The following NTRK3 variants were observed in gnomAD, a reference collection of about 807,000 sequenced individuals.
NTRK3 encodes NT-3 growth factor receptor.
In NTRK3, 24 loss-of-function variants were observed where a neutral mutation model predicts 91.7. The ratio of observed to expected loss-of-function variants is 0.26; its 90% CI spans 0.19 to 0.37. The LOEUF is 0.37. Among genes scored for constraint, NTRK3 ranks in the 10% least tolerant of loss-of-function variants. The probability of loss-of-function intolerance (pLI) is 1.00; values close to 1 mark genes in which losing one functional copy is unlikely to be tolerated. For synonymous variants in NTRK3, 483 were observed against 404.0 expected (o/e 1.20, Z -2.34); for missense variants, 880 against 1,068.9 (o/e 0.82, Z 2.46).
chr15:88,045,152 C>G (rs962659850), intron 13 of NTRK3, among the ~76,000 whole-genome samples: 1 of 152,232 alleles, frequency 6.6e-6, no homozygotes, highest in Non-Finnish European at 1.5e-5. Flanking sequence ...CAGGAGCCCA[C>G]CACCCTGTGT....
intron 17 of NTRK3, among the ~76,000 whole-genome samples, chr15:87,924,137 A>G (rs2068098707): frequency 1.3e-5 from 2 of 151,900 alleles, no homozygotes; most frequent in South Asian, 4.2e-4. Flanking sequence ...GTGATAGGGG[A>G]TGTTGGCTCC....
In NTRK3 at chr15:88,250,501, A is replaced by C. The variant is rs545316243; in HGVS notation, c.248+5405T>G. Among the ~76,000 whole-genome samples, 3 of 152,358 alleles carry C rather than the reference A, an allele frequency of 2.0e-5. No individual in the cohort carries two copies. In the East Asian group the frequency reaches 5.8e-4, roughly 29 times the overall value. On this transcript the variant is annotated intron_variant, in intron 3 of 18. Coordinates refer to ENST00000394480, the Ensembl canonical transcript of NTRK3. ...AAGGATAAGAAGGTAGGATCCCAGT[A>C]GGCACTAGACCATCGTTTCATAAGA...
At position 88,185,126 on chromosome 15, in the gene NTRK3, T is replaced by C. The variant is rs77458944; in HGVS notation, c.249-827A>G. Among the ~76,000 whole-genome samples the C allele has an allele frequency of 5.2e-3, 785 of 152,360 alleles. 10 individuals are homozygous for C. Among genetic ancestry groups the C allele is most frequent in the African/African-American group, 0.018 (745 of 41,582 alleles). Reference sequence around the variant, plus strand: ...CCTTTTCATCATGAAGGTCTCCTTTTAGAACTTTGCCCCAAGAGATCCCAT... The same window carrying C: ...CCTTTTCATCATGAAGGTCTCCTTTCAGAACTTTGCCCCAAGAGATCCCAT... On this transcript the variant is annotated intron_variant, in intron 3 of 18. Transcript: ENST00000394480.
intron 15 of NTRK3, among the ~76,000 whole-genome samples, chr15:87,938,981 A>G (rs975657769): frequency 6.6e-6 from 1 of 152,188 alleles, no homozygotes; most frequent in Non-Finnish European, 1.5e-5. Flanking sequence ...TCAGCAAACT[A>G]TGCTTATTTT....
Position 87,875,140 on chromosome 15 carries a change from G to A in NTRK3, c.*1795C>T, listed in dbSNP as rs745926652. Reference sequence around the variant, plus strand: ...TCAGCTGCCTTCAGCTAACCAGGACGTCCAGGCTGCCGGCAGTCTCTTCAG... The same window carrying A: ...TCAGCTGCCTTCAGCTAACCAGGACATCCAGGCTGCCGGCAGTCTCTTCAG... On this transcript the variant is annotated 3_prime_UTR_variant, in exon 19 of 19. Transcript: ENST00000394480. 22 of 231,216 alleles carry A rather than the reference G, an allele frequency of 9.5e-5. No homozygotes were observed. The East Asian group carries it at 1.2e-3, about 12-fold the overall frequency. 14.3% of individuals were successfully genotyped at this position (231,216 alleles called of 1,614,324 possible).
At chr15:87,951,054 C>T (rs1001360541) in intron 14 of NTRK3, among the ~76,000 whole-genome samples, 4 of 152,162 alleles carry the variant, frequency 2.6e-5, no homozygotes, top group African/African-American at 9.7e-5. Flanking sequence ...ATAGATCCAA[C>T]AGATGGACAG....
intron 17 of NTRK3, among the ~76,000 whole-genome samples, chr15:87,887,665 G>T (rs980918069): frequency 6.6e-6 from 1 of 152,136 alleles, no homozygotes; most frequent in Admixed American, 6.5e-5. Context: ...CCCTGTCTGG[G>T]AAAGGTAGTG....
chr15:88,020,977 G>A (rs2077552713), intron 14 of NTRK3, among the ~76,000 whole-genome samples: 2 of 152,176 alleles, frequency 1.3e-5, no homozygotes, highest in Non-Finnish European at 2.9e-5. Flanking sequence ...TTTCTCCTTG[G>A]AGCAGCTCCC....
intron 5 of NTRK3, among the ~76,000 whole-genome samples, chr15:88,172,604 C>T (rs1448031134): frequency 6.6e-6 from 1 of 152,130 alleles, no homozygotes; most frequent in South Asian, 2.1e-4. Context: ...ACTGAGATAC[C>T]TGAAATCAGA....
At chr15:87,880,031 G>A (rs574308944) in intron 18 of NTRK3, among the ~76,000 whole-genome samples, 1 of 152,274 alleles carries the variant, frequency 6.6e-6, no homozygotes, top group South Asian at 2.1e-4. Context: ...TTTAACAGAG[G>A]CATGACTTGA....
In NTRK3 at chr15:88,233,614, ACT is replaced by A. The variant is rs1452652375; in HGVS notation, c.248+22290_248+22291del. On this transcript the variant is annotated intron_variant, in intron 3 of 18. Transcript: ENST00000394480. The surrounding 1 kb of genome is among the most constrained non-coding windows in gnomAD (Gnocchi z 4.2). Reference sequence around the variant, plus strand: ...AGCCCTACTGTCCTGAAACTCCAAAACTCTCTTCCTTCCACAAAAACCAAATG... The same window carrying A: ...AGCCCTACTGTCCTGAAACTCCAAAACTCTTCCTTCCACAAAAACCAAATG... Among the ~76,000 whole-genome samples, 5 of 151,306 alleles carry A rather than the reference ACT, an allele frequency of 3.3e-5. No homozygotes were observed. The highest frequency in any genetic ancestry group is 6.6e-5 in the Admixed American group (1 of 15,204).
chr15:87,919,070 T>C (rs920009732), intron 17 of NTRK3, among the ~76,000 whole-genome samples: 22 of 152,068 alleles, frequency 1.4e-4, no homozygotes, highest in African/African-American at 4.1e-4. Context: ...TGGCAGACAA[T>C]AATGCTATTG....
At chr15:87,912,616 C>A (rs2067152878) in intron 17 of NTRK3, among the ~76,000 whole-genome samples, 2 of 148,226 alleles carry the variant, frequency 1.3e-5, no homozygotes, top group Non-Finnish European at 1.5e-5. Flanking sequence ...TCTTGAGGGA[C>A]ATCTGCTCTC....
chr15:88,107,500 C>T (rs971480245), intron 13 of NTRK3, among the ~76,000 whole-genome samples: 5 of 152,104 alleles, frequency 3.3e-5, no homozygotes, highest in Non-Finnish European at 5.9e-5. Context: ...GCTCAATGCA[C>T]AGTTTCAAGA....
intron 13 of NTRK3, among the ~76,000 whole-genome samples, chr15:88,124,474 T>C (rs866815184): frequency 1.3e-5 from 2 of 152,134 alleles, no homozygotes; most frequent in African/African-American, 2.4e-5. Context: ...TGTCGCAGGG[T>C]CTCAGCTGGT....
intron 3 of NTRK3, among the ~76,000 whole-genome samples, chr15:88,246,072 A>G (rs1246017417): frequency 6.6e-6 from 1 of 152,208 alleles, no homozygotes; most frequent in Non-Finnish European, 1.5e-5. Flanking sequence ...CAGGCCCCAG[A>G]CCAGAGAGCT....
At chr15:88,167,348 T>C (rs753057228) in intron 5 of NTRK3, among the ~76,000 whole-genome samples, 2 of 152,122 alleles carry the variant, frequency 1.3e-5, no homozygotes, top group Non-Finnish European at 2.9e-5. Context: ...AGAAACCAGA[T>C]GAGTCTCCTC....
At chr15:87,950,945 A>T (rs2071049024) in intron 14 of NTRK3, among the ~76,000 whole-genome samples, 1 of 152,338 alleles carries the variant, frequency 6.6e-6, no homozygotes, top group South Asian at 2.1e-4. Flanking sequence ...AGGCCTTAAC[A>T]TAGAGTATCC....
Position 87,885,139 on chromosome 15 carries a change from A to G in NTRK3, c.2134-4711T>C, listed in dbSNP as rs1017450702. 3.9e-5 allele frequency among the ~76,000 whole-genome samples: 6 copies of G among 151,952 alleles called. No homozygotes were observed. In the East Asian group the frequency reaches 1.2e-3, roughly 29 times the overall value. On this transcript the variant is annotated intron_variant, in intron 17 of 18. Transcript: ENST00000394480. ...CCGGTGGCAATGACTTCAAAATACA[A>G]TGGAAAATAAGATTATTTGTACAAT...
Sources: gnomAD v4.1 joint callset for allele counts (sites outside exome capture counted in the v4.1 genomes callset) on GRCh38, gnomAD v4.1.1 for gene constraint, Gnocchi (gnomAD v3.1) non-coding constraint, MANE v1.5 for transcripts, NCBI Gene and HGNC (gene_info 2026-07-23, HGNC 2026-07-21) for gene names.